TRPC3: variants seen among roughly 807,000 people sequenced by gnomAD.
TRPC3 encodes the protein transient receptor potential cation channel subfamily C member 3.
A neutral mutation model predicts 90.9 loss-of-function variants in TRPC3; 54 were observed. That is an observed-to-expected ratio of 0.59 (90% CI 0.48 to 0.75). The LOEUF (loss-of-function observed/expected upper bound fraction) is 0.75, where lower values mean the gene tolerates loss of function less well. Among genes scored for constraint, TRPC3 ranks in the 30% least tolerant of loss-of-function variants. The pLI is 0.00. For synonymous variants in TRPC3, 424 were observed against 450.9 expected, an observed-to-expected ratio of 0.94 and a Z score of 0.75; for missense variants, 918 against 1,194.5, an observed-to-expected ratio of 0.77 and a Z score of 3.41.
At chr4:121,914,703 C>A in intron 4 of TRPC3, 77 bp downstream of exon 4, 1 of 1,375,708 alleles carries the variant, frequency 7.3e-7, no homozygotes, top group Non-Finnish European at 9.7e-7. Context: ...GATTCTTAAG[C>A]ATGAAGCTTT....
chr4:121,920,016 C>T (rs1380184706), intron 3 of TRPC3, among the ~76,000 whole-genome samples: 1 of 151,668 alleles, frequency 6.6e-6, no homozygotes, highest in African/African-American at 2.4e-5. Flanking sequence ...GAACTCAAGA[C>T]TTTTGGTGGG....
At position 121,902,952 on chromosome 4, in the gene TRPC3, G is replaced by A; in HGVS notation, c.2363C>T (p.Ser788Leu). The change falls in exon 9 of 12, where the codon TCA becomes TTA. Residue 788 changes from serine (S) to leucine (L), a missense_variant. By Grantham distance (145) the Ser-to-Leu change is moderately radical. Around this residue, in one of 4 missense-constraint regions of TRPC3, gnomAD observed 121 missense variants for 135.7 expected, o/e 0.89. Coordinates refer to ENST00000379645, the MANE Select transcript of TRPC3 (RefSeq NM_001130698.2). ...AATTCGCATGATGAAATAAACAAATGATTTTGGACTAGGAACTAGACTGAA... is the reference window on the plus strand; with the variant it reads ...AATTCGCATGATGAAATAAACAAATAATTTTGGACTAGGAACTAGACTGAA... ...PPFSLVPSPK[S>L]FVYFIMRIVN... 6.2e-7 allele frequency: 1 copy of A among 1,613,428 alleles called. No individual in the cohort carries two copies. Among genetic ancestry groups the A allele is most frequent in the Non-Finnish European group, 8.5e-7 (1 of 1,179,718 alleles).
intron 10 of TRPC3, among the ~76,000 whole-genome samples, chr4:121,890,483 G>A (rs753476100): frequency 2.6e-4 from 40 of 151,898 alleles, no homozygotes; most frequent in Non-Finnish European, 5.0e-4. Context: ...AAAAAATAAA[G>A]TTTGAGGAAA....
chr4:121,949,976 TA>T (rs1235465176), intron 1 of TRPC3, among the ~76,000 whole-genome samples: 2 of 152,016 alleles, frequency 1.3e-5, no homozygotes, highest in Non-Finnish European at 2.9e-5. Flanking sequence ...TTAAAAGGAA[TA>T]AAAAAACAGC....
intron 7 of TRPC3, among the ~76,000 whole-genome samples, chr4:121,906,213 A>T (rs1474302018): frequency 6.6e-6 from 1 of 152,156 alleles, no homozygotes; most frequent in Non-Finnish European, 1.5e-5. Flanking sequence ...GAACTTAACC[A>T]AAAGCCACAG....
chr4:121,921,680 A>C (rs1729518024), intron 3 of TRPC3, among the ~76,000 whole-genome samples: 2 of 152,112 alleles, frequency 1.3e-5, no homozygotes, highest in South Asian at 4.1e-4. Flanking sequence ...CATAACATAT[A>C]AAGTTACTTT....
At chr4:121,883,482 CAAAT>C (rs1728010936) in intron 10 of TRPC3, among the ~76,000 whole-genome samples, 1 of 151,934 alleles carries the variant, frequency 6.6e-6, no homozygotes, top group African/African-American at 2.4e-5. Flanking sequence ...AAAAGACAAA[CAAAT>C]GTTTCACAGA....
intron 1 of TRPC3, among the ~76,000 whole-genome samples, chr4:121,943,184 T>C (rs1032009537): frequency 9.1e-6 from 1 of 109,560 alleles, no homozygotes; most frequent in East Asian, 3.0e-4. Context: ...AACAGATAAT[T>C]TTCCCCCCCT....
intron 10 of TRPC3, among the ~76,000 whole-genome samples, chr4:121,891,225 T>C (rs1239347180): frequency 6.6e-6 from 1 of 152,160 alleles, no homozygotes; most frequent in African/African-American, 2.4e-5. Flanking sequence ...ACATTAAAAA[T>C]AAATTATAAC....
chr4:121,950,373 C>T (rs957889657), intron 1 of TRPC3, among the ~76,000 whole-genome samples: 12 of 152,186 alleles, frequency 7.9e-5, no homozygotes, highest in Non-Finnish European at 1.5e-4. Flanking sequence ...TGCAGAACCT[C>T]GGTCCCCATC....
intron 2 of TRPC3, 147 bp from the exon 3 acceptor site, chr4:121,925,353 A>C (rs1729666652): frequency 1.2e-6 from 1 of 860,868 alleles, no homozygotes; most frequent in Admixed American, 3.2e-5. Flanking sequence ...AGCTGAATAC[A>C]GGCTGGATTT....
intron 10 of TRPC3, among the ~76,000 whole-genome samples, chr4:121,893,181 C>A (rs1191287006): frequency 6.6e-6 from 1 of 151,140 alleles, no homozygotes; most frequent in African/African-American, 2.4e-5. Context: ...AATAAAAACC[C>A]TGAAGTAAGG....
intron 10 of TRPC3, among the ~76,000 whole-genome samples, chr4:121,884,827 C>G (rs1481275049): frequency 6.6e-6 from 1 of 152,150 alleles, no homozygotes; most frequent in Non-Finnish European, 1.5e-5. Flanking sequence ...TATTGAGAGC[C>G]AATTCTGTGG....
chr4:121,911,697 G>A (rs901518792), intron 5 of TRPC3, among the ~76,000 whole-genome samples, 180 bp downstream of exon 5: 1 of 152,048 alleles, frequency 6.6e-6, no homozygotes, highest in African/African-American at 2.4e-5. Context: ...AGTGTTAAGG[G>A]ACACCTTTTG....
chr4:121,876,506 A>C lies in TRPC3; in HGVS notation c.*3230T>G, dbSNP rs1309189004. Among the ~76,000 whole-genome samples, 1 of 152,160 alleles carries C rather than the reference A, an allele frequency of 6.6e-6. No homozygotes were observed. The highest frequency in any genetic ancestry group is 1.5e-5 in the Non-Finnish European group (1 of 68,026). On this transcript the variant is annotated 3_prime_UTR_variant, in exon 12 of 12. Transcript: ENST00000379645. Reference sequence around the variant, plus strand: ...CATTAGTGTGGCTTCAGTTCTCTTTAGACATTGTCCATCAGACAATTTATC... The same window carrying C: ...CATTAGTGTGGCTTCAGTTCTCTTTCGACATTGTCCATCAGACAATTTATC...
chr4:121,912,768 A>G (rs1466804440), intron 4 of TRPC3, among the ~76,000 whole-genome samples: 5 of 152,234 alleles, frequency 3.3e-5, no homozygotes, highest in African/African-American at 1.2e-4. Flanking sequence ...AAATGGTACA[A>G]AGGGACTTCC....
intron 3 of TRPC3, among the ~76,000 whole-genome samples, chr4:121,918,667 T>C (rs868110767): frequency 2.0e-4 from 30 of 152,338 alleles, no homozygotes; most frequent in Non-Finnish European, 3.5e-4. Flanking sequence ...GTCTATTTCC[T>C]ATGCTTCTAA....
intron 10 of TRPC3, among the ~76,000 whole-genome samples, chr4:121,892,281 C>T (rs1264810123): frequency 6.6e-6 from 1 of 152,122 alleles, no homozygotes. Context: ...ACTTCTCTTC[C>T]ACAGCTTTTT....
chr4:121,951,647 C>T lies in TRPC3; in HGVS notation c.34G>A (p.Ala12Thr). The T allele has an allele frequency of 7.1e-7, 1 of 1,401,938 alleles. No individual in the cohort carries two copies. The allele number at this position is 1,401,938 out of a possible 1,614,324, so 86.8% of individuals were successfully genotyped here. A position where few individuals can be genotyped will look rare whatever the true frequency, so the allele number is the denominator to read the frequency against. ...STKVRKCKEQARVTFPAPEEE... is the reference protein window; with the variant it reads ...STKVRKCKEQTRVTFPAPEEE... ...TCCGGCGCCGGGAAGGTCACCCTTG[C>T]TTGTTCTTTGCACTTCCTGACCTTG... is the stretch of plus-strand genomic sequence containing the variant. Residue 12 changes from alanine (A) to threonine (T), a missense_variant, in exon 1 of 12, where the codon GCA becomes ACA. Around this residue, in one of 4 missense-constraint regions of TRPC3, gnomAD observed 609 missense variants for 725.9 expected, o/e 0.84. Transcript: ENST00000379645. This position sits in a 1 kb window ranked among gnomAD's most constrained non-coding sequence, Gnocchi z 4.4.
Sources: allele counts gnomAD v4.1 joint callset (sites outside exome capture counted in the v4.1 genomes callset), GRCh38; gene constraint gnomAD v4.1.1; regional missense constraint gnomAD v4.1.1; non-coding constraint Gnocchi (gnomAD v3.1); transcripts MANE v1.5; gene names NCBI Gene and HGNC (gene_info 2026-07-23, HGNC 2026-07-21).